The following GPAT3 variants were observed in gnomAD, a reference collection of about 807,000 sequenced individuals.
The protein encoded by GPAT3 is 1-AGP acyltransferase 9.
In GPAT3, 53 loss-of-function variants were observed where a neutral mutation model predicts 58.8. The observed-to-expected ratio is 0.90, with a 90% CI of 0.72 to 1.13. The LOEUF (loss-of-function observed/expected upper bound fraction) is 1.13. Ranked by LOEUF, GPAT3 falls within the 50% of genes most tolerant of loss-of-function variation. The pLI, the probability that GPAT3 is intolerant of heterozygous loss-of-function variation, is 0.00. For missense variants in GPAT3, 511 were observed against 527.6 expected (o/e 0.97, Z 0.31); for synonymous variants, 197 against 187.4 (o/e 1.05, Z -0.42).
chr4:83,587,470 G>A (rs1236802364), intron 4 of GPAT3, 141 bp downstream of exon 4: 1 of 775,770 alleles, frequency 1.3e-6, no homozygotes, highest in African/African-American at 1.8e-5. Flanking sequence ...ACTGTCACCT[G>A]GGCTGGAGTG....
intron 2 of GPAT3, among the ~76,000 whole-genome samples, chr4:83,563,662 A>G (rs1578174545): frequency 6.6e-6 from 1 of 151,618 alleles, no homozygotes; most frequent in East Asian, 1.9e-4. Flanking sequence ...TTGTGTTTTT[A>G]GTAGAGATGG....
At chr4:83,578,499 A>G (rs893950756) in intron 2 of GPAT3, among the ~76,000 whole-genome samples, 17 of 152,196 alleles carry the variant, frequency 1.1e-4, no homozygotes, top group African/African-American at 3.9e-4. Context: ...CAGTCAAATA[A>G]TATGGGGCAA....
intron 2 of GPAT3, among the ~76,000 whole-genome samples, chr4:83,544,966 C>A (rs1383757874): frequency 3.3e-5 from 5 of 151,886 alleles, no homozygotes; most frequent in Admixed American, 6.6e-5. Flanking sequence ...GTTTCGTTAA[C>A]CAACTTGTGA....
intron 6 of GPAT3, among the ~76,000 whole-genome samples, chr4:83,592,883 T>C (rs1342216686): frequency 8.5e-5 from 13 of 152,316 alleles, no homozygotes; most frequent in Non-Finnish European, 4.4e-5. Context: ...TTCTTTTTTT[T>C]TGAGACAGCA....
rs138680792 is a variant in GPAT3 at position 83,551,959 on chromosome 4, G to A, written c.208+7357G>A. On this transcript the variant is annotated intron_variant, in intron 2 of 11. Coordinates refer to ENST00000264409, the MANE Select transcript of GPAT3 (RefSeq NM_032717.5). ...AAAACCCCAACCAAATAAAACATCA[G>A]TAGTCATTCAGCTAATGTTTATTCT... 2.5e-3 allele frequency among the ~76,000 whole-genome samples: 373 copies of A among 151,876 alleles called. 3 individuals carry two copies. Among genetic ancestry groups the A allele is most frequent in the African/African-American group, 8.4e-3 (348 of 41,388 alleles).
intron 6 of GPAT3, among the ~76,000 whole-genome samples, chr4:83,594,105 A>G (rs1726718976): frequency 6.6e-6 from 1 of 152,054 alleles, no homozygotes; most frequent in Non-Finnish European, 1.5e-5. Context: ...AGCATACTGT[A>G]TTTGTTCTTT....
chr4:83,552,380 T>C (rs949147770), intron 2 of GPAT3, among the ~76,000 whole-genome samples: 4 of 152,160 alleles, frequency 2.6e-5, no homozygotes, highest in African/African-American at 9.7e-5. Flanking sequence ...CCCCTGCTCA[T>C]TTGTGAATCA....
chr4:83,578,842 T>A (rs966400703), intron 2 of GPAT3, among the ~76,000 whole-genome samples: 1 of 151,586 alleles, frequency 6.6e-6, no homozygotes, highest in African/African-American at 2.4e-5. Context: ...TAATAATCAT[T>A]CAAGAACTTA....
At chr4:83,553,556 A>G (rs1724832932) in intron 2 of GPAT3, among the ~76,000 whole-genome samples, 1 of 152,170 alleles carries the variant, frequency 6.6e-6, no homozygotes, top group Non-Finnish European at 1.5e-5. Context: ...GGGTACCTGC[A>G]TCTCAGAGTT....
intron 1 of GPAT3, among the ~76,000 whole-genome samples, chr4:83,540,761 C>T (rs28472418): frequency 0.34 from 52,128 of 152,010 alleles, 9,848 homozygotes; most frequent in Middle Eastern, 0.5. Flanking sequence ...ACAATCTTGG[C>T]TCACTGCAAC....
At chr4:83,560,440 T>G (rs1427737250) in intron 2 of GPAT3, among the ~76,000 whole-genome samples, 1 of 152,146 alleles carries the variant, frequency 6.6e-6, no homozygotes, top group Non-Finnish European at 1.5e-5. Context: ...TATTTTTTTG[T>G]ATTTAAGTGA....
At chr4:83,594,402 A>G (rs1339320639) in intron 6 of GPAT3, among the ~76,000 whole-genome samples, 1 of 152,156 alleles carries the variant, frequency 6.6e-6, no homozygotes, top group Non-Finnish European at 1.5e-5. Context: ...TGTGTATGCA[A>G]TTTTGTAGAT....
intron 2 of GPAT3, among the ~76,000 whole-genome samples, chr4:83,579,080 TCCC>T (rs1560621453): frequency 6.5e-4 from 17 of 26,230 alleles, no homozygotes; most frequent in South Asian, 2.0e-3. Flanking sequence ...CTTTCTTTCT[TCCC>T]TTCCTTCCTT....
intron 4 of GPAT3, 29 bp downstream of exon 4, chr4:83,587,358 T>C (rs749969836): frequency 1.8e-5 from 29 of 1,572,452 alleles, no homozygotes; most frequent in South Asian, 5.7e-5. Flanking sequence ...TCCAGCCATA[T>C]ATAGGACTGT....
At position 83,562,178 on chromosome 4, in the gene GPAT3, A is replaced by G. The variant is rs574585686; in HGVS notation, c.208+17576A>G. On this transcript the variant is annotated intron_variant, in intron 2 of 11. Coordinates refer to ENST00000264409, the MANE Select transcript of GPAT3 (RefSeq NM_032717.5). ...TAACTGATTTCTAGTTATTTTATAT[A>G]TTATATATATATATATATATAATAT... Among the ~76,000 whole-genome samples the G allele has an allele frequency of 2.4e-3, 125 of 53,010 alleles. 2 individuals are homozygous for G. The highest frequency in any genetic ancestry group is 0.013 in the African/African-American group (119 of 9,482). 34.8% of individuals were successfully genotyped at this position (53,010 alleles called of 152,430 possible).
chr4:83,559,794 A>G (rs538578033), intron 2 of GPAT3, among the ~76,000 whole-genome samples: 1 of 152,270 alleles, frequency 6.6e-6, no homozygotes, highest in East Asian at 1.9e-4. Flanking sequence ...ACATGAACAA[A>G]AAGATGAGGG....
At chr4:83,563,675 T>C (rs1480231638) in intron 2 of GPAT3, among the ~76,000 whole-genome samples, 2 of 151,908 alleles carry the variant, frequency 1.3e-5, no homozygotes, top group Admixed American at 6.6e-5. Flanking sequence ...AGAGATGGGT[T>C]TTGCTATGTT....
At chr4:83,574,210 A>G (rs1725703463) in intron 2 of GPAT3, among the ~76,000 whole-genome samples, 1 of 152,234 alleles carries the variant, frequency 6.6e-6, no homozygotes, top group Admixed American at 6.5e-5. Flanking sequence ...ACTTCTGTAT[A>G]TAAGCTACTG....
At chr4:83,588,155 ATTG>A in intron 4 of GPAT3, 52 bp from the exon 5 acceptor site, 1 of 1,494,180 alleles carries the variant, frequency 6.7e-7, no homozygotes. Context: ...CCTTTATTAT[ATTG>A]TTTCTTAAGA....
Sources: gnomAD v4.1 joint callset for allele counts (sites outside exome capture counted in the v4.1 genomes callset) on GRCh38, gnomAD v4.1.1 for gene constraint, MANE v1.5 for transcripts, NCBI Gene and HGNC (gene_info 2026-07-23, HGNC 2026-07-21) for gene names.